The following VWA5B1 variants were observed in gnomAD, a reference collection of about 807,000 sequenced individuals.
VWA5B1 encodes von Willebrand factor A domain-containing protein 5B1.
A neutral mutation model predicts 118.2 loss-of-function variants in VWA5B1; 115 were observed. That is an observed-to-expected ratio of 0.97 (90% CI 0.84 to 1.14). The LOEUF (loss-of-function observed/expected upper bound fraction) is 1.14, where lower values mean the gene tolerates loss of function less well. Ranked by LOEUF, VWA5B1 falls within the 50% of genes most tolerant of loss-of-function variation. The pLI is 0.00. For synonymous variants in VWA5B1, 682 were observed against 658.4 expected (o/e 1.04, Z -0.55); for missense variants, 1,596 against 1,603.8 (o/e 1.00, Z 0.08).
intron 2 of VWA5B1, among the ~76,000 whole-genome samples, chr1:20,311,112 A>G (rs1225468047): frequency 2.6e-5 from 4 of 152,238 alleles, no homozygotes; most frequent in African/African-American, 9.6e-5. Context: ...AGCTGGGACT[A>G]CGGGCATGTG....
intron 14 of VWA5B1, chr1:20,339,110 G>A (rs895287583): frequency 1.3e-5 from 2 of 152,144 alleles, no homozygotes; most frequent in Non-Finnish European, 2.9e-5. Context: ...GCTCGCTAGA[G>A]GCCTCCTGGG....
Position 20,330,305 on chromosome 1 carries a change from C to A in VWA5B1, c.1380C>A (p.Leu460=). 3 of 1,551,826 alleles carry A rather than the reference C, an allele frequency of 1.9e-6. No individual in the cohort carries two copies. Among genetic ancestry groups the A allele is most frequent in the Non-Finnish European group, 2.6e-6 (3 of 1,147,024 alleles). The change falls in exon 10 of 22, where the codon CTC becomes CTA. Residue 460 remains leucine, a synonymous_variant. Coordinates refer to ENST00000289815, the MANE Select transcript of VWA5B1 (RefSeq NM_001039500.3). ...TGCACCGAGGCCACCCGCGGCTCCT[C>A]TTCGTGATCACAGATGGCGCTGTCA... is the stretch of plus-strand genomic sequence containing the variant. The part of the protein sequence containing the change: ...QPVHRGHPRL[L]FVITDGAVNN...
At chr1:20,315,105 C>G (rs943039207) in intron 4 of VWA5B1, among the ~76,000 whole-genome samples, 2 of 152,188 alleles carry the variant, frequency 1.3e-5, no homozygotes, top group African/African-American at 4.8e-5. Context: ...CGGACCCAAC[C>G]TAGGGGGCCA....
intron 5 of VWA5B1, 82 bp downstream of exon 5, chr1:20,317,757 G>A: frequency 7.0e-7 from 1 of 1,423,772 alleles, no homozygotes; most frequent in Non-Finnish European, 9.4e-7. Flanking sequence ...GGGGTGGGAA[G>A]GAAAGCCAAC....
At chr1:20,303,542 G>A (rs1421620823) in intron 1 of VWA5B1, among the ~76,000 whole-genome samples, 1 of 152,200 alleles carries the variant, frequency 6.6e-6, no homozygotes, top group Non-Finnish European at 1.5e-5. Context: ...AAGGCACAAG[G>A]AGGTTAAGTA....
intron 1 of VWA5B1, among the ~76,000 whole-genome samples, chr1:20,308,775 G>A (rs1002517240): frequency 4.6e-5 from 7 of 152,196 alleles, no homozygotes; most frequent in Admixed American, 1.3e-4. Context: ...CTGGCCTGGC[G>A]GGGTGCCGGG....
chr1:20,326,247 C>G (rs2089376289), intron 8 of VWA5B1, among the ~76,000 whole-genome samples: 1 of 151,968 alleles, frequency 6.6e-6, no homozygotes. Flanking sequence ...GTATGTGGAG[C>G]CTGGAAATCT....
intron 5 of VWA5B1, among the ~76,000 whole-genome samples, chr1:20,317,891 C>T (rs1410070252): frequency 1.3e-5 from 2 of 151,856 alleles, no homozygotes; most frequent in Non-Finnish European, 2.9e-5. Flanking sequence ...CGACTTTCAC[C>T]CCAGTGGCTT....
At position 20,319,367 on chromosome 1, in the gene VWA5B1, A is replaced by G. The variant is rs2089131821; in HGVS notation, c.842-15A>G. On this transcript the variant is annotated splice_polypyrimidine_tract_variant and intron_variant, in intron 6 of 21. Coordinates refer to ENST00000289815, the MANE Select transcript of VWA5B1 (RefSeq NM_001039500.3). ...ATACCTGGCCAAGTGCTGAAAGTCG[A>G]TCTCATCTCTGCAGAGCCCCATATG... 1 of 1,551,276 alleles carries G rather than the reference A, an allele frequency of 6.4e-7. No homozygotes were observed. The highest frequency in any genetic ancestry group is 2.4e-5 in the East Asian group (1 of 40,898).
In VWA5B1 at chr1:20,354,102, G is replaced by A. The variant is rs2090185247; in HGVS notation, c.3487G>A (p.Val1163Met). Residue 1163 changes from valine to methionine, a missense_variant, in exon 22 of 22, where the codon GTG becomes ATG. Transcript: ENST00000289815. ...CTCCTACTTCACTGAGTGGGAGTTG[G>A]TGGCTGCCAAGGCCAACTCATGGCT... The part of the protein sequence containing the change: ...SASYFTEWEL[V>M]AAKANSWLEQ... 1.3e-6 allele frequency: 2 copies of A among 1,551,460 alleles called. No homozygotes were observed. The highest frequency in any genetic ancestry group is 1.4e-5 in the African/African-American group (1 of 73,128).
At chr1:20,330,614 G>A (rs1288044508) in intron 10 of VWA5B1, among the ~76,000 whole-genome samples, 2 of 152,256 alleles carry the variant, frequency 1.3e-5, no homozygotes, top group Non-Finnish European at 2.9e-5. Context: ...GAGAAGCCCA[G>A]GGAGAGGTCC....
In VWA5B1 at chr1:20,310,576, G is replaced by A. The variant is rs534353530; in HGVS notation, c.-26G>A. ...TTCCTGCCCTTCCTGTGTCTCACAG[G>A]TTCTGAAGGCTGAGTAGCCAGCGGG... On this transcript the variant is annotated splice_region_variant and 5_prime_UTR_variant, in exon 2 of 22. Coordinates refer to ENST00000289815, the MANE Select transcript of VWA5B1 (RefSeq NM_001039500.3). The A allele has an allele frequency of 9.3e-6, 14 of 1,510,228 alleles. No individual in the cohort carries two copies. The East Asian group carries it at 2.0e-4, about 22-fold the overall frequency. The allele number at this position is 1,510,228 out of a possible 1,614,324, so 93.6% of individuals were successfully genotyped here.
chr1:20,324,572 C>G (rs552036530), intron 8 of VWA5B1, among the ~76,000 whole-genome samples: 1 of 152,104 alleles, frequency 6.6e-6, no homozygotes, highest in African/African-American at 2.4e-5. Flanking sequence ...TTTATTGATC[C>G]GGGTAAAGGA....
rs2101038031 is a variant in VWA5B1, at chr1:20,355,858, T to C, written c.*1595T>C. Reference sequence around the variant, plus strand: ...TCCCGCGAGGGATTCTCACAGCCCTTTTGAATACTTAAGATGAAATCCCAT... The same window carrying C: ...TCCCGCGAGGGATTCTCACAGCCCTCTTGAATACTTAAGATGAAATCCCAT... On this transcript the variant is annotated 3_prime_UTR_variant, in exon 22 of 22. Transcript: ENST00000289815. Among the ~76,000 whole-genome samples the C allele has an allele frequency of 7.2e-6, 1 of 137,936 alleles. No individual in the cohort carries two copies. The highest frequency in any genetic ancestry group is 2.5e-4 in the South Asian group (1 of 4,068). The allele number at this position is 137,936 out of a possible 152,430, so 90.5% of individuals were successfully genotyped here. A position where few individuals can be genotyped will look rare whatever the true frequency, so the allele number is the denominator to read the frequency against.
At position 20,317,616 on chromosome 1, in the gene VWA5B1, A is replaced by T. The variant is rs1422942796; in HGVS notation, c.650A>T (p.Asn217Ile). ...ACTCTCCTGAACACCGAAGTGTCCA[A>T]CCCCATGGAGTATGAGTTCAACTTC... ...LATLLNTEVS[N>I]PMEYEFNFQL... The change falls in exon 5 of 22, where the codon AAC (asparagine) becomes ATC (isoleucine). Residue 217 changes from asparagine (N) to isoleucine (I), a missense_variant. Physicochemically the swap from Asn to Ile is moderately radical, Grantham distance 149 (BLOSUM62 -3). Transcript: ENST00000289815. The T allele has an allele frequency of 2.6e-6, 4 of 1,551,650 alleles. No homozygotes were observed. The highest frequency in any genetic ancestry group is 2.0e-5 in the Admixed American group (1 of 50,968).
At chr1:20,297,574 G>T (rs1376890482) in intron 1 of VWA5B1, among the ~76,000 whole-genome samples, 1 of 152,222 alleles carries the variant, frequency 6.6e-6, no homozygotes, top group African/African-American at 2.4e-5. Flanking sequence ...TAAGAGCGGG[G>T]CATCATAGCC....
rs537481441 is a variant in VWA5B1, at chr1:20,323,624, C to T, written c.1143+92C>T. On this transcript the variant is annotated intron_variant, in intron 8 of 21. Coordinates refer to ENST00000289815, the MANE Select transcript of VWA5B1 (RefSeq NM_001039500.3). ...TCCAGCTTCCTCAGCACTTTCTGTTCCAAGAAACAACTTTTAAAAATCAGT... is the reference window on the plus strand; with the variant it reads ...TCCAGCTTCCTCAGCACTTTCTGTTTCAAGAAACAACTTTTAAAAATCAGT... 2.4e-6 allele frequency: 3 copies of T among 1,239,830 alleles called. No individual in the cohort carries two copies. The African/African-American group carries it at 4.7e-5, about 19-fold the overall frequency. 76.8% of individuals were successfully genotyped at this position (1,239,830 alleles called of 1,614,324 possible).
At chr1:20,311,366 T>C (rs1453556300) in intron 2 of VWA5B1, among the ~76,000 whole-genome samples, 1 of 152,176 alleles carries the variant, frequency 6.6e-6, no homozygotes, top group Non-Finnish European at 1.5e-5. Flanking sequence ...GCATCAAGAC[T>C]CAGTCAAAGC....
In VWA5B1 at chr1:20,341,355, C is replaced by T. The variant is rs773705098; in HGVS notation, c.2134-1077C>T. On this transcript the variant is annotated intron_variant, in intron 14 of 21. Coordinates refer to ENST00000289815, the MANE Select transcript of VWA5B1 (RefSeq NM_001039500.3). Reference sequence around the variant, plus strand: ...GGAATTACCAGACCAAAGGGGCTTGCGCATTTTAATTGATAGCACATTGCT... The same window carrying T: ...GGAATTACCAGACCAAAGGGGCTTGTGCATTTTAATTGATAGCACATTGCT... Among the ~76,000 whole-genome samples, 21 of 152,316 alleles carry T rather than the reference C, an allele frequency of 1.4e-4. No individual in the cohort carries two copies. The South Asian group carries it at 2.1e-3, about 15-fold the overall frequency.
Sources: allele counts gnomAD v4.1 joint callset (sites outside exome capture counted in the v4.1 genomes callset), GRCh38; gene constraint gnomAD v4.1.1; transcripts MANE v1.5; gene names NCBI Gene and HGNC (gene_info 2026-07-23, HGNC 2026-07-21).